Variants in SPATA17 observed in about 807,000 individuals in gnomAD.
SPATA17 encodes spermatogenesis associated 17, also known as spermatogenesis-associated protein 17.
A neutral mutation model predicts 62.2 loss-of-function variants in SPATA17; 53 were observed. The ratio of observed to expected loss-of-function variants is 0.85; its 90% CI spans 0.68 to 1.07. The LOEUF is 1.07. SPATA17 is among the 50% of genes least tolerant of loss of function. The pLI is 0.00. For missense variants in SPATA17, 466 were observed against 425.5 expected, an observed-to-expected ratio of 1.10 and a Z score of -0.84; for synonymous variants, 146 against 146.8, an observed-to-expected ratio of 0.99 and a Z score of 0.04.
chr1:217,767,631 C>T (rs1448009285), intron 6 of SPATA17, among the ~76,000 whole-genome samples: 3 of 152,150 alleles, frequency 2.0e-5, no homozygotes, highest in Admixed American at 6.6e-5. Context: ...ATTCTTCCTT[C>T]AACCATGTCC....
intron 6 of SPATA17, among the ~76,000 whole-genome samples, chr1:217,767,799 C>T (rs549554731): frequency 6.6e-6 from 1 of 152,294 alleles, no homozygotes; most frequent in African/African-American, 2.4e-5. Flanking sequence ...CATGGTAAAT[C>T]CTGGCCTGAT....
At chr1:217,656,434 T>G (rs2102887662) in intron 3 of SPATA17, among the ~76,000 whole-genome samples, 1 of 152,334 alleles carries the variant, frequency 6.6e-6, no homozygotes, top group Non-Finnish European at 1.5e-5. Context: ...ATCTAATTTT[T>G]TTTTGCTTAT....
intron 5 of SPATA17, among the ~76,000 whole-genome samples, chr1:217,688,431 C>T (rs1312508583): frequency 6.6e-6 from 1 of 151,994 alleles, no homozygotes; most frequent in African/African-American, 2.4e-5. Context: ...TTTGGTTTTG[C>T]CATTCTTCAA....
At chr1:217,861,387 T>TTATATA (rs146592830) in intron 9 of SPATA17, among the ~76,000 whole-genome samples, 2,217 of 145,330 alleles carry the variant, frequency 0.015, 26 homozygotes, top group East Asian at 0.061. Context: ...AAATAAAATA[T>TTATATA]TATATATATA....
chr1:217,730,511 A>T (rs1381564634), intron 5 of SPATA17, among the ~76,000 whole-genome samples: 1 of 152,018 alleles, frequency 6.6e-6, no homozygotes, highest in Non-Finnish European at 1.5e-5. Context: ...GTGAGCCACC[A>T]CGCCCAGCCA....
chr1:217,674,258 G>A (rs1670896649), intron 4 of SPATA17, among the ~76,000 whole-genome samples: 1 of 152,200 alleles, frequency 6.6e-6, no homozygotes, highest in South Asian at 2.1e-4. Context: ...GTTAGACTGA[G>A]CTCTGGCCAG....
chr1:217,859,003 G>T (rs1207996577), intron 9 of SPATA17, among the ~76,000 whole-genome samples: 1 of 151,566 alleles, frequency 6.6e-6, no homozygotes, highest in Non-Finnish European at 1.5e-5. Context: ...ACTCCAGCCT[G>T]GGTGACAAAG....
chr1:217,738,818 G>T (rs1355110467), intron 5 of SPATA17, among the ~76,000 whole-genome samples: 1 of 152,314 alleles, frequency 6.6e-6, no homozygotes, highest in Non-Finnish European at 1.5e-5. Flanking sequence ...TGGGCGTGGT[G>T]GCATGTGCCT....
chr1:217,841,508 A>T (rs1192786897), intron 9 of SPATA17, among the ~76,000 whole-genome samples: 2 of 152,006 alleles, frequency 1.3e-5, no homozygotes, highest in African/African-American at 2.4e-5. Context: ...AATGTTCTAC[A>T]TTCACCCGTT....
rs1455609996 is a variant in SPATA17, at chr1:217,663,971, G to A, written c.241-5062G>A. ...ATGCGAAGAAGGATTTTAAAACTGA[G>A]GAAAAGAAGAGATCCATACTAGATT... On this transcript the variant is annotated intron_variant, in intron 3 of 10. Coordinates refer to ENST00000366933, the MANE Select transcript of SPATA17 (RefSeq NM_138796.4). Among the ~76,000 whole-genome samples the A allele has an allele frequency of 2.0e-5, 3 of 151,890 alleles. No individual in the cohort carries two copies. In the East Asian group the frequency reaches 5.8e-4, roughly 29 times the overall value.
chr1:217,773,419 T>C (rs1558044723), intron 6 of SPATA17, among the ~76,000 whole-genome samples: 1 of 152,182 alleles, frequency 6.6e-6, no homozygotes, highest in Non-Finnish European at 1.5e-5. Flanking sequence ...TATACACATA[T>C]GTGTATATGT....
At chr1:217,651,047 G>T in intron 2 of SPATA17, 50 bp from the exon 3 acceptor site, 2 of 1,378,828 alleles carry the variant, frequency 1.5e-6, no homozygotes, top group South Asian at 2.5e-5. Context: ...AGATTTAACT[G>T]ACCTTGTTTC....
chr1:217,676,769 G>A (rs1670955188), intron 4 of SPATA17, among the ~76,000 whole-genome samples: 1 of 152,098 alleles, frequency 6.6e-6, no homozygotes, highest in Non-Finnish European at 1.5e-5. Context: ...CTGGTGTGCA[G>A]CATCTTAGAG....
intron 1 of SPATA17, among the ~76,000 whole-genome samples, chr1:217,643,766 T>C (rs1417759087): frequency 1.3e-5 from 2 of 151,760 alleles, no homozygotes; most frequent in African/African-American, 4.8e-5. Context: ...TCTCACTCTG[T>C]TGCCCAGGCT....
At chr1:217,828,962 G>A (rs1675066996) in intron 9 of SPATA17, among the ~76,000 whole-genome samples, 1 of 152,114 alleles carries the variant, frequency 6.6e-6, no homozygotes, top group Non-Finnish European at 1.5e-5. Flanking sequence ...TGAGGGTGTA[G>A]AGAAAAGGGA....
intron 5 of SPATA17, among the ~76,000 whole-genome samples, chr1:217,733,212 A>G (rs942158828): frequency 6.6e-6 from 1 of 152,192 alleles, no homozygotes; most frequent in Non-Finnish European, 1.5e-5. Flanking sequence ...TGTCTTGTCT[A>G]TAGAGAATAA....
chr1:217,758,508 A>G lies in SPATA17; in HGVS notation c.520-15826A>G, dbSNP rs191305292. ...CAGATACAGTGAGGTTATGTAATGC[A>G]GGCTAAAATTACAAAGGTAATAAAA... On this transcript the variant is annotated intron_variant, in intron 6 of 10. Transcript: ENST00000366933. Among the ~76,000 whole-genome samples the G allele has an allele frequency of 2.6e-5, 4 of 152,300 alleles. No homozygotes were observed. The East Asian group carries it at 5.8e-4, about 22-fold the overall frequency.
chr1:217,701,060 C>T (rs896368881), intron 5 of SPATA17, among the ~76,000 whole-genome samples: 31 of 151,818 alleles, frequency 2.0e-4, no homozygotes, highest in African/African-American at 6.5e-4. Context: ...TTACAACCTC[C>T]GCCTCCTGGG....
intron 9 of SPATA17, among the ~76,000 whole-genome samples, chr1:217,851,587 CT>C (rs942624407): frequency 6.6e-5 from 10 of 152,074 alleles, no homozygotes; most frequent in African/African-American, 2.2e-4. Flanking sequence ...ATAAATTAAA[CT>C]GCAATTAATA....
Sources: allele counts gnomAD v4.1 joint callset (sites outside exome capture counted in the v4.1 genomes callset), GRCh38; gene constraint gnomAD v4.1.1; transcripts MANE v1.5; gene names NCBI Gene and HGNC (gene_info 2026-07-23, HGNC 2026-07-21).